Variants in TET2 observed in about 807,000 individuals in gnomAD.
The protein encoded by TET2 is tet methylcytosine dioxygenase 2.
In TET2, 299 loss-of-function variants were observed where a neutral mutation model predicts 142.9. That is an observed-to-expected ratio of 2.09 (90% CI 1.90 to 2.30). TET2 has a LOEUF of 2.30. Among genes scored for constraint, TET2 ranks in the 30% most tolerant of loss-of-function variants. The probability of loss-of-function intolerance (pLI) is 0.00; values close to 1 mark genes in which losing one functional copy is unlikely to be tolerated. For missense variants in TET2, 2,418 were observed against 2,378.0 expected (o/e 1.02, Z -0.35); for synonymous variants, 819 against 849.0 (o/e 0.96, Z 0.61).
intron 2 of TET2, among the ~76,000 whole-genome samples, chr4:105,218,084 T>C (rs1309465489): frequency 6.6e-6 from 1 of 152,134 alleles, no homozygotes; most frequent in African/African-American, 2.4e-5. Flanking sequence ...TCAAGAATTC[T>C]GATTTTTAAT....
intron 2 of TET2, among the ~76,000 whole-genome samples, chr4:105,229,513 G>A (rs966119728): frequency 3.9e-5 from 6 of 152,000 alleles, no homozygotes; most frequent in Admixed American, 6.6e-5. Context: ...GTTTGACCAC[G>A]TTGGCCAAGA....
intron 6 of TET2, among the ~76,000 whole-genome samples, chr4:105,244,294 A>G (rs1185396878): frequency 2.6e-5 from 4 of 152,256 alleles, no homozygotes; most frequent in African/African-American, 7.2e-5. Context: ...TTTCCACAAT[A>G]GTAATCAAAA....
At chr4:105,156,492 A>C (rs1327719704) in intron 1 of TET2, among the ~76,000 whole-genome samples, 1 of 152,216 alleles carries the variant, frequency 6.6e-6, no homozygotes, top group Non-Finnish European at 1.5e-5. Context: ...GTCGTGCCTC[A>C]TTAGCCATTG....
intron 1 of TET2, chr4:105,171,243 A>G (rs1298951989): frequency 2.0e-5 from 3 of 152,138 alleles, no homozygotes; most frequent in African/African-American, 7.2e-5. Context: ...TTATAAGCCT[A>G]TAATGTTTAT....
chr4:105,156,290 G>A (rs1285868411), intron 1 of TET2, among the ~76,000 whole-genome samples: 2 of 152,210 alleles, frequency 1.3e-5, no homozygotes, highest in Non-Finnish European at 2.9e-5. Context: ...AAAATGGGCT[G>A]TGAATTTTTG....
intron 1 of TET2, chr4:105,147,428 A>G (rs1006616794): frequency 2.6e-5 from 4 of 152,244 alleles, no homozygotes; most frequent in Admixed American, 6.5e-5. Context: ...CTCAGAGAGA[A>G]CACTGATAGG....
At chr4:105,239,074 G>GGTT (rs1729128670) in intron 3 of TET2, 1 of 204,180 alleles carries the variant, frequency 4.9e-6, no homozygotes. Context: ...TTTGTTTTTT[G>GGTT]TTTTTTTTTT....
chr4:105,202,301 AAAT>A (rs1450085816), intron 2 of TET2: 1 of 152,162 alleles, frequency 6.6e-6, no homozygotes, highest in Admixed American at 6.6e-5. Context: ...CTGATGCTGA[AAAT>A]AATGTGAATG....
intron 2 of TET2, among the ~76,000 whole-genome samples, chr4:105,205,628 TGTC>T (rs1448815135): frequency 6.6e-5 from 10 of 152,048 alleles, no homozygotes; most frequent in Non-Finnish European, 1.5e-4. Flanking sequence ...TTCAAAACAT[TGTC>T]TTTTTTATTT....
chr4:105,187,348 C>G lies in TET2; in HGVS notation c.-192-3012C>G, dbSNP rs189997114. On this transcript the variant is annotated intron_variant, in intron 1 of 10. Coordinates refer to ENST00000380013, the MANE Select transcript of TET2 (RefSeq NM_001127208.3). ...AGTTGCTGAACTCAGATTTAAGAGT[C>G]TAATCATATACAGGCAATAACCCTC... Among the ~76,000 whole-genome samples, 6 of 152,160 alleles carry G rather than the reference C, an allele frequency of 3.9e-5. No homozygotes were observed. In the East Asian group the frequency reaches 9.6e-4, roughly 24 times the overall value.
chr4:105,186,472 TC>T, intron 1 of TET2, among the ~76,000 whole-genome samples: 1 of 146,482 alleles, frequency 6.8e-6, no homozygotes, highest in Non-Finnish European at 1.5e-5. Context: ...TTTTGCATTT[TC>T]TTTTTTTTTT....
chr4:105,265,107 A>G (rs1730623387), intron 8 of TET2, among the ~76,000 whole-genome samples: 1 of 152,186 alleles, frequency 6.6e-6, no homozygotes, highest in South Asian at 2.1e-4. Flanking sequence ...GCAGGTGTCA[A>G]TCTCAAAATC....
intron 1 of TET2, among the ~76,000 whole-genome samples, chr4:105,148,039 T>C (rs981980791): frequency 2.0e-5 from 3 of 151,714 alleles, no homozygotes; most frequent in Non-Finnish European, 4.4e-5. Flanking sequence ...CTACTCTTTC[T>C]TCTCTCTCTC....
At chr4:105,257,327 C>G (rs1730187659) in intron 6 of TET2, among the ~76,000 whole-genome samples, 2 of 151,842 alleles carry the variant, frequency 1.3e-5, no homozygotes, top group South Asian at 2.1e-4. Context: ...CAGATTCTAC[C>G]CCCTGCCCAG....
At chr4:105,208,531 G>A (rs1340796106) in intron 2 of TET2, among the ~76,000 whole-genome samples, 1 of 152,104 alleles carries the variant, frequency 6.6e-6, no homozygotes, top group Non-Finnish European at 1.5e-5. Flanking sequence ...AGACTTGATT[G>A]ATTTTTATGT....
At chr4:105,185,205 G>T (rs889320101) in intron 1 of TET2, among the ~76,000 whole-genome samples, 4 of 151,200 alleles carry the variant, frequency 2.6e-5, no homozygotes, top group Non-Finnish European at 5.9e-5. Flanking sequence ...ACGAAAACTT[G>T]TCTGTCTCTA....
At chr4:105,272,113 G>A (rs181141395) in intron 9 of TET2, among the ~76,000 whole-genome samples, 2 of 152,312 alleles carry the variant, frequency 1.3e-5, no homozygotes, top group Admixed American at 6.5e-5. Flanking sequence ...GTGTTCAGAA[G>A]TATGAGATGA....
In TET2 at chr4:105,259,713, T is replaced by A; in HGVS notation, c.3898T>A (p.Phe1300Ile). The change falls in exon 7 of 11, where the codon TTT becomes ATT. Residue 1300 changes from phenylalanine (F) to isoleucine (I), a missense_variant. Physicochemically the swap from Phe to Ile is conservative, Grantham distance 21 (BLOSUM62 0). Transcript: ENST00000380013. ...SWSMYYNGCK[F>I]ARSKIPRKFK... Reference sequence around the variant, plus strand: ...GAGCATGTACTACAATGGATGTAAGTTTGCCAGAAGCAAGATCCCAAGGAA... The same window carrying A: ...GAGCATGTACTACAATGGATGTAAGATTGCCAGAAGCAAGATCCCAAGGAA... 6.4e-7 allele frequency: 1 copy of A among 1,551,154 alleles called. No homozygotes were observed.
At chr4:105,241,301 T>C in intron 3 of TET2, 38 bp from the exon 4 acceptor site, 1 of 1,519,328 alleles carries the variant, frequency 6.6e-7, no homozygotes, top group South Asian at 1.3e-5. Flanking sequence ...TTTAGTATAA[T>C]TGAGGTCTAA....
Sources: allele counts gnomAD v4.1 joint callset (sites outside exome capture counted in the v4.1 genomes callset), GRCh38; gene constraint gnomAD v4.1.1; transcripts MANE v1.5; gene names NCBI Gene and HGNC (gene_info 2026-07-23, HGNC 2026-07-21).